MAMDC4: variants seen among roughly 807,000 people sequenced by gnomAD.
MAMDC4 encodes apical endosomal glycoprotein.
In MAMDC4, 168 loss-of-function variants were observed where a neutral mutation model predicts 153.3. The ratio of observed to expected loss-of-function variants is 1.10; its 90% CI spans 0.97 to 1.25. MAMDC4 has a LOEUF of 1.25. Among genes scored for constraint, MAMDC4 ranks in the 50% most tolerant of loss-of-function variants. MAMDC4 has a pLI of 0.00. For synonymous variants in MAMDC4, 744 were observed against 651.5 expected (o/e 1.14, Z -2.16); for missense variants, 1,701 against 1,542.8 (o/e 1.10, Z -1.72).
In MAMDC4 at chr9:136,854,245, CT is replaced by C. The variant is rs1564385429; in HGVS notation, c.706del (p.Cys236AlafsTer34). 5.0e-6 allele frequency: 8 copies of C among 1,612,014 alleles called. No individual in the cohort carries two copies. In the South Asian group the frequency reaches 7.7e-5, roughly 16 times the overall value. The part of the protein sequence containing the change: ...QANCPPGHHH[C>X]QNKVCVEPQQ... ...CCAACTGTCCCCCGGGACACCACCA[CT>C]GCCAGAACAAGGTCTGCGTGGAGCC... is the stretch of plus-strand genomic sequence containing the variant. On this transcript the variant is annotated frameshift_variant, in exon 7 of 27. Transcript: ENST00000317446. LOFTEE classifies it high-confidence loss of function.
In MAMDC4 at chr9:136,858,333, C is replaced by T. The variant is rs1849037670; in HGVS notation, c.2674+57C>T. On this transcript the variant is annotated intron_variant, in intron 21 of 26. Transcript: ENST00000317446. ...CTGGGGTGCCTGCCTAGCCCTTTCC[C>T]TTCGTAGTCGTGGTGCCCAGGGCTT... The T allele has an allele frequency of 3.7e-6, 6 of 1,600,270 alleles. No homozygotes were observed. In the Admixed American group the frequency reaches 5.0e-5, roughly 13 times the overall value.
chr9:136,859,754 C>T (rs759201399), intron 25 of MAMDC4, 132 bp from the exon 26 acceptor site: 34 of 903,152 alleles, frequency 3.8e-5, no homozygotes, highest in Non-Finnish European at 4.9e-5. Flanking sequence ...AGAACCAATA[C>T]CCTCTGCCTT....
chr9:136,859,633 G>A (rs1682245612), intron 25 of MAMDC4: 2 of 596,410 alleles, frequency 3.4e-6, no homozygotes, highest in Admixed American at 3.1e-5. Context: ...GGTCAGGGCA[G>A]CCACTGACTG....
At position 136,856,069 on chromosome 9, in the gene MAMDC4, G is replaced by T. The variant is rs150493758; in HGVS notation, c.1640G>T (p.Arg547Leu). Reference sequence around the variant, plus strand: ...TGGGGGCAGCTAGGCGCTGAGGCCCGGGTCCTCACACCCCTCCTTGGCCCT... The same window carrying T: ...TGGGGGCAGCTAGGCGCTGAGGCCCTGGTCCTCACACCCCTCCTTGGCCCT... ...RAWGQLGAEA[R>L]VLTPLLGPSG... is the part of the protein sequence containing the mutation. Residue 547 changes from arginine to leucine, a missense_variant, in exon 14 of 27, where the codon CGG (arginine) becomes CTG (leucine). Transcript: ENST00000317446. The T allele has an allele frequency of 3.1e-6, 5 of 1,612,238 alleles. No homozygotes were observed. Among genetic ancestry groups the T allele is most frequent in the Non-Finnish European group, 4.2e-6 (5 of 1,179,864 alleles).
chr9:136,855,571 T>A lies in MAMDC4; in HGVS notation c.1423T>A (p.Cys475Ser), dbSNP rs1399801133. ...CCTGTGTGTGCCCCCGGAACAACTG[T>A]GTGACTTCGAGGAGCAGTGCGCAGG... The part of the protein sequence containing the change: ...GDLCVPPEQL[C>S]DFEEQCAGGE... Residue 475 changes from cysteine (C) to serine (S), a missense_variant, in exon 12 of 27, where the codon TGT becomes AGT. Transcript: ENST00000317446. 6 of 1,591,678 alleles carry A rather than the reference T, an allele frequency of 3.8e-6. No individual in the cohort carries two copies. Among genetic ancestry groups the A allele is most frequent in the Non-Finnish European group, 4.3e-6 (5 of 1,169,442 alleles).
At position 136,856,730 on chromosome 9, in the gene MAMDC4, C is replaced by T. The variant is rs374261157; in HGVS notation, c.1741C>T (p.Arg581Trp). The part of the protein sequence containing the change: ...QPREVSCNFE[R>W]DTCSWYPGHL... ...CCCAGAGGTCTCCTGTAACTTTGAG[C>T]GGGACACATGCAGCTGGTACCCAGG... The change falls in exon 15 of 27, where the codon CGG becomes TGG. Residue 581 changes from arginine (R) to tryptophan (W), a missense_variant. Coordinates refer to ENST00000317446, the MANE Select transcript of MAMDC4 (RefSeq NM_206920.3). 56 of 1,612,330 alleles carry T rather than the reference C, an allele frequency of 3.5e-5. No individual in the cohort carries two copies. Among genetic ancestry groups the T allele is most frequent in the Non-Finnish European group, 4.3e-5 (51 of 1,179,742 alleles).
At position 136,854,780 on chromosome 9, in the gene MAMDC4, T is replaced by A; in HGVS notation, c.953T>A (p.Val318Glu). 3 of 1,612,756 alleles carry A rather than the reference T, an allele frequency of 1.9e-6. No homozygotes were observed. Among genetic ancestry groups the A allele is most frequent in the Non-Finnish European group, 2.5e-6 (3 of 1,179,862 alleles). The change falls in exon 9 of 27, where the codon GTG (valine) becomes GAG (glutamate). Residue 318 changes from valine to glutamate, a missense_variant. Transcript: ENST00000317446. Reference protein sequence around the residue: ...NSAQGSFLVSVAEPGTPAILS... With the variant: ...NSAQGSFLVSEAEPGTPAILS... ...CCCGCAGGCTCCTTCCTGGTCTCCG[T>A]GGCCGAGCCTGGCACCCCTGCTATA...
At chr9:136,857,340 T>TG (rs754224896) in intron 17 of MAMDC4, 27 bp from the exon 18 acceptor site, 10 of 1,608,080 alleles carry the variant, frequency 6.2e-6, no homozygotes, top group African/African-American at 1.3e-5. Flanking sequence ...GCAGGGCCCC[T>TG]GGCCAGCTGA....
In MAMDC4 at chr9:136,854,241, A is replaced by G; in HGVS notation, c.701A>G (p.His234Arg). The part of the protein sequence containing the change: ...TPQANCPPGH[H>R]HCQNKVCVEP... ...CAGGCCAACTGTCCCCCGGGACACCACCACTGCCAGAACAAGGTCTGCGTG... is the reference window on the plus strand; with the variant it reads ...CAGGCCAACTGTCCCCCGGGACACCGCCACTGCCAGAACAAGGTCTGCGTG... Residue 234 changes from histidine to arginine, a missense_variant, in exon 7 of 27, where the codon CAC (histidine) becomes CGC (arginine). By Grantham distance (29) the His-to-Arg change is conservative. Coordinates refer to ENST00000317446, the MANE Select transcript of MAMDC4 (RefSeq NM_206920.3). The G allele has an allele frequency of 6.2e-7, 1 of 1,611,306 alleles. No homozygotes were observed. The highest frequency in any genetic ancestry group is 8.5e-7 in the Non-Finnish European group (1 of 1,179,448).
Position 136,852,481 on chromosome 9 carries a change from C to G in MAMDC4, c.46+19C>G. ...TTCCTGGGTAAGTAGTCTGGTCCCA[C>G]TCCTGAGGCAGGACCAGGGGCCCTG... On this transcript the variant is annotated intron_variant, in intron 1 of 26. Coordinates refer to ENST00000317446, the MANE Select transcript of MAMDC4 (RefSeq NM_206920.3). The G allele has an allele frequency of 6.2e-7, 1 of 1,608,440 alleles. No homozygotes were observed.
rs375524191 is a variant in MAMDC4 at position 136,853,452 on chromosome 9, G to A, written c.322G>A (p.Asp108Asn). 128 of 1,603,294 alleles carry A rather than the reference G, an allele frequency of 8.0e-5. No homozygotes were observed. The highest frequency in any genetic ancestry group is 1.7e-4 in the Middle Eastern group (1 of 6,022). ...TCACTCAGACCACACACTGGGCACCGACTTGGGTGAGGCCAGGGCAAGTCT... is the reference window on the plus strand; with the variant it reads ...TCACTCAGACCACACACTGGGCACCAACTTGGGTGAGGCCAGGGCAAGTCT... Reference protein sequence around the residue: ...GPHSDHTLGTDLGWYMAVGTH... With the variant: ...GPHSDHTLGTNLGWYMAVGTH... The change falls in exon 3 of 27, where the codon GAC becomes AAC. Residue 108 changes from aspartate (D) to asparagine (N), a missense_variant. Asp to Asn is a conservative substitution (Grantham distance 23, BLOSUM62 1). Transcript: ENST00000317446.
At chr9:136,854,449 G>A in intron 7 of MAMDC4, 90 bp from the exon 8 acceptor site, 5 of 1,519,722 alleles carry the variant, frequency 3.3e-6, no homozygotes, top group Non-Finnish European at 4.4e-6. Context: ...CCTTCTTGGG[G>A]TGTGGTTGCC....
At position 136,857,647 on chromosome 9, in the gene MAMDC4, T is replaced by C; in HGVS notation, c.2327-12T>C. ...TGGCCAGGGGCTGGCAGGCTGATGCTGGCACCTCCAGGGCACTACATGGTG... is the reference window on the plus strand; with the variant it reads ...TGGCCAGGGGCTGGCAGGCTGATGCCGGCACCTCCAGGGCACTACATGGTG... On this transcript the variant is annotated splice_polypyrimidine_tract_variant and intron_variant, in intron 18 of 26. Coordinates refer to ENST00000317446, the MANE Select transcript of MAMDC4 (RefSeq NM_206920.3). The C allele has an allele frequency of 6.2e-7, 1 of 1,612,440 alleles. No homozygotes were observed. Among genetic ancestry groups the C allele is most frequent in the Non-Finnish European group, 8.5e-7 (1 of 1,179,814 alleles).
rs375596945 is a variant in MAMDC4, at chr9:136,857,150, G to A, written c.1973-15G>A. On this transcript the variant is annotated splice_polypyrimidine_tract_variant and intron_variant, in intron 16 of 26. Transcript: ENST00000317446. ...CAGGAGAGAGGTCAGTTATGGACTG[G>A]TCCCCTCCCTGCAGGGACTCTGCGC... 130 of 1,612,138 alleles carry A rather than the reference G, an allele frequency of 8.1e-5. No individual in the cohort carries two copies. The highest frequency in any genetic ancestry group is 1.0e-4 in the Non-Finnish European group (123 of 1,179,696).
rs1158464272 is a variant in MAMDC4 at position 136,857,556 on chromosome 9, C to T, written c.2296C>T (p.Pro766Ser). The T allele has an allele frequency of 6.2e-7, 1 of 1,612,184 alleles. No homozygotes were observed. Among genetic ancestry groups the T allele is most frequent in the African/African-American group, 1.3e-5 (1 of 75,060 alleles). The change falls in exon 18 of 27, where the codon CCA becomes TCA. Residue 766 changes from proline to serine, a missense_variant. Pro to Ser is a moderately conservative substitution (Grantham distance 74). Transcript: ENST00000317446. Reference sequence around the variant, plus strand: ...CTCGGGCCATGCTGCCTGGGGCCCCCCAACAGACCATACCACTGAGACAGC... The same window carrying T: ...CTCGGGCCATGCTGCCTGGGGCCCCTCAACAGACCATACCACTGAGACAGC... The part of the protein sequence containing the change: ...NASGHAAWGP[P>S]TDHTTETAQG...
chr9:136,858,464 A>C lies in MAMDC4; in HGVS notation c.2739A>C (p.Gly913=). 6.2e-7 allele frequency: 1 copy of C among 1,608,802 alleles called. No individual in the cohort carries two copies. Among genetic ancestry groups the C allele is most frequent in the Non-Finnish European group, 8.5e-7 (1 of 1,179,692 alleles). The stretch of plus-strand genomic sequence containing the variant: ...ACCTGGCCTGGCCCGGCCTGGGCGG[A>C]TACAGCTGGGACTGGGGCGGGGGAG... ...WSHLAWPGLG[G]YSWDWGGGAT... Residue 913 remains glycine, a synonymous_variant, in exon 22 of 27, where the codon GGA becomes GGC. Coordinates refer to ENST00000317446, the MANE Select transcript of MAMDC4 (RefSeq NM_206920.3).
At chr9:136,854,102 AC>A (rs755198661) in intron 6 of MAMDC4, 26 bp downstream of exon 6, 1 of 1,610,428 alleles carries the variant, frequency 6.2e-7, no homozygotes, top group Non-Finnish European at 8.5e-7. Flanking sequence ...TTCCTGTTCC[AC>A]CCCCGGGAGG....
chr9:136,859,372 C>T (rs1849054014), intron 25 of MAMDC4, 55 bp downstream of exon 25: 2 of 1,505,348 alleles, frequency 1.3e-6, no homozygotes, highest in Admixed American at 2.0e-5. Context: ...GCCAGCCTGG[C>T]TCGGGGTTTG....
chr9:136,855,492 G>T lies in MAMDC4; in HGVS notation c.1344G>T (p.Pro448=), dbSNP rs749609447. The T allele has an allele frequency of 6.3e-7, 1 of 1,598,114 alleles. No individual in the cohort carries two copies. The highest frequency in any genetic ancestry group is 8.5e-7 in the Non-Finnish European group (1 of 1,172,768). Residue 448 remains proline, a synonymous_variant, in exon 12 of 27, where the codon CCG becomes CCT. Transcript: ENST00000317446. The part of the protein sequence containing the change: ...GPRAPAPQPL[P]PSSRLQDSCK... ...GGGCCCCAGCCCCCCAGCCCCTGCCGCCCAGCTCGCGGCTCCAGGATTCCT... is the reference window on the plus strand; with the variant it reads ...GGGCCCCAGCCCCCCAGCCCCTGCCTCCCAGCTCGCGGCTCCAGGATTCCT...
Sources: allele counts gnomAD v4.1 joint callset, GRCh38; gene constraint gnomAD v4.1.1; transcripts MANE v1.5; gene names NCBI Gene and HGNC (gene_info 2026-07-23, HGNC 2026-07-21).